The following ZMYM2 variants were observed in gnomAD, a reference collection of about 807,000 sequenced individuals.
ZMYM2 encodes zinc finger MYM-type protein 2.
A neutral mutation model predicts 162.8 loss-of-function variants in ZMYM2; 56 were observed. The observed-to-expected ratio is 0.34, with a 90% CI of 0.28 to 0.43. ZMYM2 has a LOEUF of 0.43. ZMYM2 is among the 20% of genes least tolerant of loss of function. The pLI, the probability that ZMYM2 is intolerant of heterozygous loss-of-function variation, is 1.00. For synonymous variants in ZMYM2, 510 were observed against 541.6 expected (o/e 0.94, Z 0.81); for missense variants, 1,275 against 1,621.8 (o/e 0.79, Z 3.67).
intron 12 of ZMYM2, among the ~76,000 whole-genome samples, 187 bp from the exon 13 acceptor site, chr13:20,051,246 T>A (rs259792): frequency 0.98 from 143,282 of 145,654 alleles, 70,524 homozygotes; most frequent in Middle Eastern, 1. Context: ...TTGTCAACTG[T>A]GAAATTGTAT....
At chr13:20,002,740 A>G in intron 3 of ZMYM2, 110 bp from the exon 4 acceptor site, 1 of 1,384,708 alleles carries the variant, frequency 7.2e-7, no homozygotes, top group Non-Finnish European at 9.8e-7. Context: ...TGTTCCATTA[A>G]CATCTTAAAA....
At chr13:19,970,600 CAAAAAAAAAAAAA>C (rs11365281) in intron 2 of ZMYM2, among the ~76,000 whole-genome samples, 3 of 88,108 alleles carry the variant, frequency 3.4e-5, no homozygotes, top group Non-Finnish European at 6.8e-5. Context: ...AACCCCAAAC[CAAAAAAAAAAAAA>C]AAAAAAAAAG....
chr13:19,947,608 G>A, the ZMYM2 span, among the ~76,000 whole-genome samples: 1 of 151,940 alleles, frequency 6.6e-6, no homozygotes. Context: ...ACAGGCACAC[G>A]CCACCACGCC....
chr13:19,935,650 C>CT, the ZMYM2 span, among the ~76,000 whole-genome samples: 24 of 148,506 alleles, frequency 1.6e-4, no homozygotes, highest in African/African-American at 4.4e-4. Flanking sequence ...TTGCATTTTC[C>CT]TTTTTTTTTT....
chr13:19,901,697 G>A, the ZMYM2 span, among the ~76,000 whole-genome samples: 1 of 152,008 alleles, frequency 6.6e-6, no homozygotes, highest in Non-Finnish European at 1.5e-5. Context: ...GGCTGGTCTT[G>A]AACTCCTGAC....
Position 20,054,484 on chromosome 13 carries a change from G to A in ZMYM2, c.2493+2173G>A, listed in dbSNP as rs534865109. On this transcript the variant is annotated intron_variant, in intron 14 of 24. Coordinates refer to ENST00000610343, the MANE Select transcript of ZMYM2 (RefSeq NM_197968.4). ...GTGATAAAAAGTCCTACCTTTTGTG[G>A]TGGTAGGAGTATGCAATAAGATTTG... Among the ~76,000 whole-genome samples the A allele has an allele frequency of 2.6e-5, 4 of 152,254 alleles. No individual in the cohort carries two copies. The South Asian group carries it at 8.3e-4, about 32-fold the overall frequency.
intron 21 of ZMYM2, among the ~76,000 whole-genome samples, chr13:20,067,668 G>C (rs1293939149): frequency 6.6e-6 from 1 of 152,166 alleles, no homozygotes; most frequent in Non-Finnish European, 1.5e-5. Context: ...TCATAACTCT[G>C]TAAATAGGTC....
intron 21 of ZMYM2, among the ~76,000 whole-genome samples, chr13:20,072,888 C>T (rs1374034129): frequency 6.6e-6 from 1 of 151,650 alleles, no homozygotes; most frequent in East Asian, 1.9e-4. Flanking sequence ...TACTGGTAAT[C>T]TGTGCCTTCT....
At chr13:20,068,196 C>T (rs990196461) in intron 21 of ZMYM2, 3 of 180,750 alleles carry the variant, frequency 1.7e-5, no homozygotes, top group South Asian at 2.0e-4. Flanking sequence ...CTAAAAGATA[C>T]GTGAATAGGT....
At chr13:20,045,212 G>A (rs1240249525) in intron 12 of ZMYM2, among the ~76,000 whole-genome samples, 2 of 152,070 alleles carry the variant, frequency 1.3e-5, no homozygotes, top group Non-Finnish European at 2.9e-5. Flanking sequence ...TAGGAGAATT[G>A]CAGGAGTTCT....
the ZMYM2 span, among the ~76,000 whole-genome samples, chr13:19,870,499 T>TTCCCTCCC: frequency 6.9e-6 from 1 of 145,302 alleles, no homozygotes; most frequent in Admixed American, 6.9e-5. Context: ...TTCCCTTCCC[T>TTCCCTCCC]TCCCTCCCTC....
intron 9 of ZMYM2, among the ~76,000 whole-genome samples, chr13:20,030,245 T>G (rs912261117): frequency 7.9e-5 from 12 of 151,846 alleles, no homozygotes; most frequent in African/African-American, 2.9e-4. Context: ...TTTTTTTTTT[T>G]TTCCAGATGG....
the ZMYM2 span, among the ~76,000 whole-genome samples, chr13:19,918,327 C>T: frequency 4.0e-5 from 6 of 151,262 alleles, no homozygotes; most frequent in Non-Finnish European, 7.4e-5. Flanking sequence ...CGCCTATAGT[C>T]CCAGATACTT....
At chr13:19,992,746 T>G (rs1949724518) in intron 2 of ZMYM2, among the ~76,000 whole-genome samples, 2 of 151,370 alleles carry the variant, frequency 1.3e-5, no homozygotes, top group African/African-American at 4.9e-5. Context: ...TTTTATGGAG[T>G]AAATAGTGTA....
chr13:20,055,810 A>T (rs931896225), intron 14 of ZMYM2, among the ~76,000 whole-genome samples: 1 of 149,702 alleles, frequency 6.7e-6, no homozygotes, highest in East Asian at 1.9e-4. Context: ...TTTTTTTTTT[A>T]AAGCATACTG....
At chr13:20,079,196 G>A (rs1312731697) in intron 21 of ZMYM2, among the ~76,000 whole-genome samples, 4 of 151,108 alleles carry the variant, frequency 2.6e-5, no homozygotes, top group African/African-American at 4.9e-5. Context: ...GCACGTGCCT[G>A]TAATCTCAGC....
At chr13:19,982,849 GC>G (rs777606487) in intron 2 of ZMYM2, among the ~76,000 whole-genome samples, 5 of 152,044 alleles carry the variant, frequency 3.3e-5, no homozygotes, top group Non-Finnish European at 7.4e-5. Flanking sequence ...ACTAATCCAT[GC>G]TTATCTGCCT....
chr13:19,893,866 G>C, the ZMYM2 span, among the ~76,000 whole-genome samples: 1 of 151,862 alleles, frequency 6.6e-6, no homozygotes, highest in African/African-American at 2.4e-5. Context: ...TTGCTATGCT[G>C]CCTACACTGG....
At position 19,982,281 on chromosome 13, in the gene ZMYM2, C is replaced by CTTTTTTTTTT. The variant is rs56165263; in HGVS notation, c.-10-10768_-10-10759dup. 7.0e-5 allele frequency among the ~76,000 whole-genome samples: 6 copies of CTTTTTTTTTT among 86,252 alleles called. 1 individual carries two copies. The highest frequency in any genetic ancestry group is 7.7e-5 in the African/African-American group (2 of 26,076). 56.6% of individuals were successfully genotyped at this position (86,252 alleles called of 152,430 possible). On this transcript the variant is annotated intron_variant, in intron 2 of 24. Coordinates refer to ENST00000610343, the MANE Select transcript of ZMYM2 (RefSeq NM_197968.4). ...TTTCACTGAGTTGTCTATTAGCTGT[C>CTTTTTTTTTT]TTTTTTTTTTTTTTTTTTTTTTTGG... is the stretch of plus-strand genomic sequence containing the variant.
Sources: gnomAD v4.1 joint callset for allele counts (sites outside exome capture counted in the v4.1 genomes callset) on GRCh38, gnomAD v4.1.1 for gene constraint, MANE v1.5 for transcripts, NCBI Gene and HGNC (gene_info 2026-07-23, HGNC 2026-07-21) for gene names.